The following ATOH8 variants were observed in gnomAD, a reference collection of about 807,000 sequenced individuals.
The protein encoded by ATOH8 is atonal bHLH transcription factor 8, also known as transcription factor ATOH8.
ATOH8 carries 9 observed loss-of-function variants against 21.2 expected under a neutral mutation model. That is an observed-to-expected ratio of 0.42 (90% CI 0.26 to 0.74). The LOEUF (loss-of-function observed/expected upper bound fraction) is 0.74, where lower values mean the gene tolerates loss of function less well. Ranked by LOEUF, ATOH8 falls within the 30% of genes least tolerant of loss-of-function variation. ATOH8 has a pLI of 0.24. For missense variants in ATOH8, 524 were observed against 470.9 expected (o/e 1.11, Z -1.04); for synonymous variants, 253 against 224.0 (o/e 1.13, Z -1.16).
chr2:85,772,696 T>G (rs1392093736), intron 2 of ATOH8: 1 of 456,820 alleles, frequency 2.2e-6, no homozygotes, highest in Non-Finnish European at 4.4e-6. Flanking sequence ...AAAGGTTCTT[T>G]GTGAGAGAGG....
chr2:85,770,213 A>G (rs1282796994), intron 2 of ATOH8, among the ~76,000 whole-genome samples: 1 of 152,130 alleles, frequency 6.6e-6, no homozygotes. Context: ...TGTCTGATGC[A>G]CAGATGGTGA....
chr2:85,772,164 G>T (rs1156687247), intron 2 of ATOH8, among the ~76,000 whole-genome samples: 1 of 152,176 alleles, frequency 6.6e-6, no homozygotes. Flanking sequence ...TGCTGGTGGT[G>T]GCCCTGGTGG....
rs902296475 is a variant in ATOH8 at position 85,786,963 on chromosome 2, G to T, written c.*73G>T. On this transcript the variant is annotated 3_prime_UTR_variant, in exon 3 of 3. Transcript: ENST00000306279. Reference sequence around the variant, plus strand: ...TCAGGCCTGAGGACAAGGTGAGCTCGCTGAGTCCAGCCTCGTGGTCTTCTC... The same window carrying T: ...TCAGGCCTGAGGACAAGGTGAGCTCTCTGAGTCCAGCCTCGTGGTCTTCTC... 4 of 1,602,076 alleles carry T rather than the reference G, an allele frequency of 2.5e-6. No individual in the cohort carries two copies. Among genetic ancestry groups the T allele is most frequent in the Non-Finnish European group, 3.4e-6 (4 of 1,170,132 alleles).
In ATOH8 at chr2:85,789,365, C is replaced by T. The variant is rs1324234875; in HGVS notation, c.*2475C>T. Among the ~76,000 whole-genome samples the T allele has an allele frequency of 6.6e-6, 1 of 152,124 alleles. No individual in the cohort carries two copies. The highest frequency in any genetic ancestry group is 1.5e-5 in the Non-Finnish European group (1 of 68,022). On this transcript the variant is annotated 3_prime_UTR_variant, in exon 3 of 3. Coordinates refer to ENST00000306279, the MANE Select transcript of ATOH8 (RefSeq NM_032827.7). ...TCTGGGTTCTGTACGGAGGGTGGGA[C>T]AGACAGGTAGACAAGCAAATAATTA...
chr2:85,774,646 C>T (rs11688843), intron 2 of ATOH8: 482,743 of 985,264 alleles, frequency 0.49, 120,229 homozygotes, highest in Non-Finnish European at 0.51. Flanking sequence ...GGTCAGACTG[C>T]CTCACTCCAT....
chr2:85,763,899 G>T, intron 1 of ATOH8, 92 bp from the exon 2 acceptor site: 1 of 1,189,238 alleles, frequency 8.4e-7, no homozygotes, highest in Non-Finnish European at 1.2e-6. Context: ...TTAGGGTGGA[G>T]GGCTCAGATA....
chr2:85,756,011 A>T (rs1173352074), intron 1 of ATOH8, among the ~76,000 whole-genome samples: 2 of 136,000 alleles, frequency 1.5e-5, no homozygotes, highest in Non-Finnish European at 3.1e-5. Context: ...AGAAACCATG[A>T]TCTTCTTTTT....
intron 1 of ATOH8, among the ~76,000 whole-genome samples, chr2:85,758,364 C>A (rs914804985): frequency 2.0e-4 from 31 of 152,240 alleles, no homozygotes; most frequent in African/African-American, 7.2e-4. Context: ...TGCCACTGCA[C>A]GTGGCCTTGT....
Position 85,789,177 on chromosome 2 carries a change from A to C in ATOH8, c.*2287A>C, listed in dbSNP as rs999503917. ...GCAAACCCATGGCCTTACCACCCAGAAAGAGCCCATCCTCCACCTCCCATC... is the reference window on the plus strand; with the variant it reads ...GCAAACCCATGGCCTTACCACCCAGCAAGAGCCCATCCTCCACCTCCCATC... On this transcript the variant is annotated 3_prime_UTR_variant, in exon 3 of 3. Transcript: ENST00000306279. 6.6e-6 allele frequency among the ~76,000 whole-genome samples: 1 copy of C among 152,138 alleles called. No homozygotes were observed. Among genetic ancestry groups the C allele is most frequent in the Non-Finnish European group, 1.5e-5 (1 of 68,020 alleles).
At chr2:85,769,166 G>A (rs565622792) in intron 2 of ATOH8, among the ~76,000 whole-genome samples, 1 of 141,406 alleles carries the variant, frequency 7.1e-6, no homozygotes, top group South Asian at 2.1e-4. Context: ...CACAAACCAG[G>A]GCATTGTCTT....
At chr2:85,754,979 C>G in intron 1 of ATOH8, 22 bp downstream of exon 1, 1 of 1,569,926 alleles carries the variant, frequency 6.4e-7, no homozygotes, top group East Asian at 2.3e-5. Context: ...CCGCCGCACG[C>G]CCTCACTGCG....
chr2:85,755,825 G>A (rs1679676126), intron 1 of ATOH8, among the ~76,000 whole-genome samples: 2 of 152,140 alleles, frequency 1.3e-5, no homozygotes, highest in Admixed American at 1.3e-4. Context: ...CTAGGAAGGA[G>A]GTGGTGAGTT....
Position 85,754,132 on chromosome 2 carries a change from C to G in ATOH8, c.-58C>G. The G allele has an allele frequency of 7.0e-7, 1 of 1,419,306 alleles. No individual in the cohort carries two copies. 87.9% of individuals were successfully genotyped at this position (1,419,306 alleles called of 1,614,324 possible). A position where few individuals can be genotyped will look rare whatever the true frequency, so the allele number is the denominator to read the frequency against. On this transcript the variant is annotated 5_prime_UTR_variant, in exon 1 of 3. Coordinates refer to ENST00000306279, the MANE Select transcript of ATOH8 (RefSeq NM_032827.7). ...CGGGAGAGCCAGAGACTCCTCGGCGCTGAGCGCGGCGGCGGCCCGGGCAGC... is the reference window on the plus strand; with the variant it reads ...CGGGAGAGCCAGAGACTCCTCGGCGGTGAGCGCGGCGGCGGCCCGGGCAGC...
chr2:85,781,184 TG>T, intron 2 of ATOH8: 1 of 569,522 alleles, frequency 1.8e-6, no homozygotes, highest in Non-Finnish European at 2.2e-6. Flanking sequence ...CGCATATGCA[TG>T]GGAATAGCAT....
chr2:85,767,393 G>T (rs1238078357), intron 2 of ATOH8, among the ~76,000 whole-genome samples: 1 of 151,840 alleles, frequency 6.6e-6, no homozygotes, highest in African/African-American at 2.4e-5. Context: ...GCCAGGCAGG[G>T]GCCAGGGGAA....
rs748239847 is a variant in ATOH8 at position 85,754,262 on chromosome 2, A to C, written c.73A>C (p.Lys25Gln). The C allele has an allele frequency of 1.2e-6, 2 of 1,610,132 alleles. No individual in the cohort carries two copies. The highest frequency in any genetic ancestry group is 2.2e-5 in the South Asian group (2 of 90,994). ...VCVKELNGLK[K>Q]LKRKGKEPAR... ...CGTGAAGGAGCTGAACGGCCTTAAG[A>C]AGCTCAAGCGGAAAGGCAAGGAGCC... is the stretch of plus-strand genomic sequence containing the variant. The change falls in exon 1 of 3, where the codon AAG (lysine) becomes CAG (glutamine). Residue 25 changes from lysine (K) to glutamine (Q), a missense_variant. Lys to Gln is a moderately conservative substitution (Grantham distance 53). Transcript: ENST00000306279.
chr2:85,755,649 TG>T (rs1427757981), intron 1 of ATOH8, among the ~76,000 whole-genome samples: 2 of 152,178 alleles, frequency 1.3e-5, no homozygotes, highest in Non-Finnish European at 2.9e-5. Flanking sequence ...AGCCTAGTTC[TG>T]GGGTGGGTCC....
chr2:85,777,226 G>C (rs1680352992), intron 2 of ATOH8, among the ~76,000 whole-genome samples: 1 of 152,108 alleles, frequency 6.6e-6, no homozygotes, highest in South Asian at 2.1e-4. Flanking sequence ...TCAGAGGAGG[G>C]CCCCTCGGTA....
Position 85,766,610 on chromosome 2 carries a change from T to G in ATOH8, c.960+2428T>G, listed in dbSNP as rs1680022707. Among the ~76,000 whole-genome samples the G allele has an allele frequency of 6.6e-6, 1 of 152,166 alleles. No individual in the cohort carries two copies. Among genetic ancestry groups the G allele is most frequent in the Non-Finnish European group, 1.5e-5 (1 of 68,016 alleles). On this transcript the variant is annotated intron_variant, in intron 2 of 2. Coordinates refer to ENST00000306279, the MANE Select transcript of ATOH8 (RefSeq NM_032827.7). The surrounding 1 kb of genome is among the most constrained non-coding windows in gnomAD (Gnocchi z 4.0). ...TCCCATACCAGCCCCTTCCATAGTT[T>G]TATCTGGACGACCAGGATTTGACAC...
Sources: gnomAD v4.1 joint callset for allele counts (sites outside exome capture counted in the v4.1 genomes callset) on GRCh38, gnomAD v4.1.1 for gene constraint, Gnocchi (gnomAD v3.1) non-coding constraint, MANE v1.5 for transcripts, NCBI Gene and HGNC (gene_info 2026-07-23, HGNC 2026-07-21) for gene names.